The following DLC1 variants were observed in gnomAD, a reference collection of about 807,000 sequenced individuals.
DLC1 encodes rho GTPase-activating protein 7.
Under a neutral mutation model 140.3 loss-of-function variants are expected in DLC1, and 54 were observed. That is an observed-to-expected ratio of 0.38 (90% CI 0.31 to 0.48). DLC1 has a LOEUF of 0.48. Ranked by LOEUF, DLC1 falls within the 20% of genes least tolerant of loss-of-function variation. The probability of loss-of-function intolerance (pLI) is 0.96; values close to 1 mark genes in which losing one functional copy is unlikely to be tolerated. For missense variants in DLC1, 2,536 were observed against 1,907.0 expected (o/e 1.33, Z -6.14); for synonymous variants, 986 against 728.1 (o/e 1.35, Z -5.70).
At chr8:13,397,640 G>T (rs1261208650) in intron 3 of DLC1, among the ~76,000 whole-genome samples, 1 of 151,076 alleles carries the variant, frequency 6.6e-6, no homozygotes, top group Middle Eastern at 3.4e-3. Flanking sequence ...ACCAGCCTGG[G>T]CAATGTAGAG....
At chr8:13,431,887 A>G (rs1430960280) in intron 2 of DLC1, among the ~76,000 whole-genome samples, 1 of 152,112 alleles carries the variant, frequency 6.6e-6, no homozygotes, top group African/African-American at 2.4e-5. Context: ...ATAAAAGGTA[A>G]TAGTTTTCTT....
At chr8:13,158,966 T>C (rs1181167337) in intron 5 of DLC1, among the ~76,000 whole-genome samples, 1 of 152,026 alleles carries the variant, frequency 6.6e-6, no homozygotes, top group East Asian at 1.9e-4. Context: ...TGCGTTGAGA[T>C]GGACCACTCT....
intron 5 of DLC1, among the ~76,000 whole-genome samples, chr8:13,200,426 ACTTG>A (rs1324184677): frequency 6.6e-6 from 1 of 152,154 alleles, no homozygotes; most frequent in Non-Finnish European, 1.5e-5. Context: ...TGATTAAATA[ACTTG>A]CTTGCCACCC....
intron 4 of DLC1, among the ~76,000 whole-genome samples, chr8:13,361,115 C>T (rs960248616): frequency 4.0e-5 from 6 of 150,290 alleles, no homozygotes; most frequent in Non-Finnish European, 6.0e-5. Context: ...GCCTGTAGTA[C>T]CAGCTGCTCA....
rs771784544 is a variant in DLC1, at chr8:13,498,364, G to T, written c.1023+685C>A. On this transcript the variant is annotated intron_variant, in intron 2 of 17. Transcript: ENST00000276297. ...CTTGCTTCTCTCACTTGAAAGCTTCGCAGGGGAGGATGGCATCTTTAGAAT... is the reference window on the plus strand; with the variant it reads ...CTTGCTTCTCTCACTTGAAAGCTTCTCAGGGGAGGATGGCATCTTTAGAAT... 4.4e-4 allele frequency among the ~76,000 whole-genome samples: 67 copies of T among 152,310 alleles called. 1 individual carries two copies. The Middle Eastern group carries it at 0.014, about 31-fold the overall frequency.
At chr8:13,572,591 T>G (rs71522357) in intron 1 of DLC1, among the ~76,000 whole-genome samples, 20,239 of 152,188 alleles carry the variant, frequency 0.13, 1,593 homozygotes, top group Middle Eastern at 0.21. Context: ...CCCATATATT[T>G]TCTTCTAAGA....
chr8:13,288,001 A>G (rs1831596550), intron 5 of DLC1, among the ~76,000 whole-genome samples: 1 of 151,998 alleles, frequency 6.6e-6, no homozygotes, highest in Non-Finnish European at 1.5e-5. Flanking sequence ...CGTTATCTTT[A>G]TAAAGATTGT....
At chr8:13,354,408 T>A (rs1834824813) in intron 4 of DLC1, among the ~76,000 whole-genome samples, 1 of 152,128 alleles carries the variant, frequency 6.6e-6, no homozygotes, top group Admixed American at 6.6e-5. Flanking sequence ...TTCCAGGGCC[T>A]AACAGTGTGT....
At chr8:13,153,764 G>C (rs4545097) in intron 5 of DLC1, among the ~76,000 whole-genome samples, 85,068 of 151,352 alleles carry the variant, frequency 0.56, 24,035 homozygotes, top group East Asian at 0.63. Context: ...AAACCTAGAG[G>C]TAGACACAGA....
chr8:13,247,773 C>T (rs745694901), intron 5 of DLC1, among the ~76,000 whole-genome samples: 32 of 152,300 alleles, frequency 2.1e-4, no homozygotes, highest in Non-Finnish European at 4.0e-4. Context: ...ATCTTCCAGG[C>T]TGATTATCAT....
intron 4 of DLC1, among the ~76,000 whole-genome samples, chr8:13,366,474 T>C (rs1835486739): frequency 6.6e-6 from 1 of 152,190 alleles, no homozygotes; most frequent in Non-Finnish European, 1.5e-5. Context: ...CTATGAGTGA[T>C]ATTCTAGCCT....
At chr8:13,501,805 A>G (rs1362102835) in intron 1 of DLC1, among the ~76,000 whole-genome samples, 2 of 152,220 alleles carry the variant, frequency 1.3e-5, no homozygotes, top group Non-Finnish European at 2.9e-5. Context: ...AAAAGAAAAT[A>G]TAAAATCTCT....
chr8:13,548,648 T>C (rs1011389028), intron 1 of DLC1, among the ~76,000 whole-genome samples: 3 of 152,096 alleles, frequency 2.0e-5, no homozygotes, highest in Non-Finnish European at 4.4e-5. Context: ...AGCTCTCATA[T>C]GGATTTGGCA....
intron 4 of DLC1, among the ~76,000 whole-genome samples, chr8:13,308,754 T>C (rs1480042364): frequency 1.3e-5 from 2 of 151,814 alleles, no homozygotes; most frequent in Non-Finnish European, 2.9e-5. Context: ...TTAAAAAGAG[T>C]GCGAAGAATA....
intron 5 of DLC1, among the ~76,000 whole-genome samples, chr8:13,237,240 T>TAC (rs201246253): frequency 3.0e-4 from 39 of 131,042 alleles, no homozygotes; most frequent in Non-Finnish European, 4.9e-4. Context: ...TATATATATA[T>TAC]ACACACACAC....
chr8:13,091,787 G>T (rs945055252), intron 13 of DLC1, among the ~76,000 whole-genome samples: 7 of 152,104 alleles, frequency 4.6e-5, no homozygotes, highest in African/African-American at 1.4e-4. Flanking sequence ...GGAGTAAAGG[G>T]TGTCATCATC....
intron 16 of DLC1, among the ~76,000 whole-genome samples, chr8:13,086,996 C>T (rs12543522): frequency 9.9e-5 from 15 of 152,282 alleles, no homozygotes; most frequent in African/African-American, 3.6e-4. Context: ...TGATACCCCC[C>T]CATCTCAAAA....
At chr8:13,321,411 G>A (rs1025727822) in intron 4 of DLC1, among the ~76,000 whole-genome samples, 2 of 151,854 alleles carry the variant, frequency 1.3e-5, no homozygotes, top group African/African-American at 4.8e-5. Context: ...GGTGGTGCGT[G>A]CCTGTAGTCT....
At chr8:13,129,351 G>C (rs930842239) in intron 5 of DLC1, among the ~76,000 whole-genome samples, 1 of 152,196 alleles carries the variant, frequency 6.6e-6, no homozygotes, top group Non-Finnish European at 1.5e-5. Context: ...CCATGGAAAA[G>C]AGGATCTTGG....
Sources: allele counts gnomAD v4.1 joint callset (sites outside exome capture counted in the v4.1 genomes callset), GRCh38; gene constraint gnomAD v4.1.1; transcripts MANE v1.5; gene names NCBI Gene and HGNC (gene_info 2026-07-23, HGNC 2026-07-21).